Variants in ZRANB3 observed in about 807,000 individuals in gnomAD.
ZRANB3 encodes DNA annealing helicase and endonuclease ZRANB3.
ZRANB3 carries 125 observed loss-of-function variants against 133.8 expected under a neutral mutation model. The observed-to-expected ratio is 0.93, with a 90% CI of 0.81 to 1.08. The LOEUF is 1.08. Ranked by LOEUF, ZRANB3 falls within the 50% of genes least tolerant of loss-of-function variation. The pLI is 0.00. For synonymous variants in ZRANB3, 387 were observed against 432.7 expected (o/e 0.89, Z 1.31); for missense variants, 1,229 against 1,275.5 (o/e 0.96, Z 0.56).
intron 8 of ZRANB3, among the ~76,000 whole-genome samples, chr2:135,303,065 T>C (rs974096127): frequency 1.3e-5 from 2 of 152,164 alleles, no homozygotes; most frequent in African/African-American, 4.8e-5. Context: ...TGAACACTGA[T>C]CTAACAAAAA....
At chr2:135,257,907 G>A (rs1471303670) in intron 12 of ZRANB3, among the ~76,000 whole-genome samples, 1 of 152,204 alleles carries the variant, frequency 6.6e-6, no homozygotes, top group Non-Finnish European at 1.5e-5. Context: ...CTTATTGGCT[G>A]TATGACCTCG....
At chr2:135,414,940 G>A (rs1688487135) in intron 2 of ZRANB3, among the ~76,000 whole-genome samples, 1 of 151,988 alleles carries the variant, frequency 6.6e-6, no homozygotes, top group Non-Finnish European at 1.5e-5. Flanking sequence ...GAATCTCTGG[G>A]ACACATTCAA....
At chr2:135,406,343 CA>C (rs1052581403) in intron 2 of ZRANB3, among the ~76,000 whole-genome samples, 1 of 151,872 alleles carries the variant, frequency 6.6e-6, no homozygotes, top group Non-Finnish European at 1.5e-5. Context: ...GTTTACCAAC[CA>C]AAAAAAGCCC....
intron 12 of ZRANB3, among the ~76,000 whole-genome samples, chr2:135,259,051 T>C (rs1204291880): frequency 6.6e-6 from 1 of 152,236 alleles, no homozygotes; most frequent in Non-Finnish European, 1.5e-5. Flanking sequence ...TTTTTGTTTG[T>C]TTTTGAGACA....
intron 2 of ZRANB3, among the ~76,000 whole-genome samples, chr2:135,398,589 G>A (rs1174359566): frequency 1.4e-5 from 2 of 144,396 alleles, no homozygotes; most frequent in African/African-American, 5.5e-5. Context: ...CGCTATCTCG[G>A]CTCACTGCAA....
At chr2:135,408,132 A>C (rs1037449131) in intron 2 of ZRANB3, among the ~76,000 whole-genome samples, 4 of 151,784 alleles carry the variant, frequency 2.6e-5, no homozygotes, top group Admixed American at 1.3e-4. Context: ...TTACAAGAAA[A>C]AAACAAACAA....
At chr2:135,343,379 T>C (rs1194817929) in intron 6 of ZRANB3, among the ~76,000 whole-genome samples, 1 of 149,958 alleles carries the variant, frequency 6.7e-6, no homozygotes, top group Non-Finnish European at 1.5e-5. Flanking sequence ...TATTAGGTTT[T>C]TAATGAGTTT....
At chr2:135,312,037 A>G (rs1683002260) in intron 8 of ZRANB3, among the ~76,000 whole-genome samples, 1 of 151,898 alleles carries the variant, frequency 6.6e-6, no homozygotes, top group Non-Finnish European at 1.5e-5. Context: ...CATGACAGGA[A>G]TATCTCTATT....
At chr2:135,397,457 A>AAAAAAG (rs1553485106) in intron 2 of ZRANB3, among the ~76,000 whole-genome samples, 3 of 151,682 alleles carry the variant, frequency 2.0e-5, no homozygotes, top group African/African-American at 2.4e-5. Flanking sequence ...CAAAAAAAAA[A>AAAAAAG]AAAAGAAAAG....
At chr2:135,202,775 C>G in intron 20 of ZRANB3, 57 bp downstream of exon 20, 3 of 1,543,794 alleles carry the variant, frequency 1.9e-6, no homozygotes, top group Non-Finnish European at 2.6e-6. Context: ...ACTGTGTGCA[C>G]AATTTTCCAT....
At chr2:135,445,122 G>A (rs1241586303) in intron 2 of ZRANB3, among the ~76,000 whole-genome samples, 1 of 152,136 alleles carries the variant, frequency 6.6e-6, no homozygotes, top group African/African-American at 2.4e-5. Context: ...GCAGTCAAGA[G>A]TAGGCTGGTT....
chr2:135,456,358 T>C (rs542783990), intron 2 of ZRANB3, among the ~76,000 whole-genome samples: 1 of 152,304 alleles, frequency 6.6e-6, no homozygotes, highest in South Asian at 2.1e-4. Flanking sequence ...ATGTGGGAAG[T>C]GTCTTCTGCT....
chr2:135,518,630 T>C (rs1050375781), intron 1 of ZRANB3, among the ~76,000 whole-genome samples: 3 of 152,096 alleles, frequency 2.0e-5, no homozygotes, highest in Admixed American at 6.5e-5. Flanking sequence ...AGTACCTCAA[T>C]TGGAAATGCA....
At position 135,269,114 on chromosome 2, in the gene ZRANB3, CAT is replaced by C. The variant is rs1558875065; in HGVS notation, c.1232_1233del (p.His411ArgfsTer5). The C allele has an allele frequency of 6.2e-7, 1 of 1,603,464 alleles. No homozygotes were observed. The highest frequency in any genetic ancestry group is 1.1e-5 in the South Asian group (1 of 88,276). On this transcript the variant is annotated frameshift_variant, in exon 11 of 21. Transcript: ENST00000264159. LOFTEE classifies it high-confidence loss of function. Reference sequence around the variant, plus strand: ...TCCCAGTACAACTCAGCAAATACAACATGACTTGCTGCAGTAAATGTTAATCC... The same window carrying C: ...TCCCAGTACAACTCAGCAAATACAACGACTTGCTGCAGTAAATGTTAATCC... ...GQGLTFTAAS[H>X]VVFAELYWDP...
rs531648096 is a variant in ZRANB3 at position 135,236,141 on chromosome 2, T to G, written c.1540-5214A>C. Reference sequence around the variant, plus strand: ...AAATCACAAGCATTCTTATACACCATCAACAGACAAACAGAGAGCCAAATC... The same window carrying G: ...AAATCACAAGCATTCTTATACACCAGCAACAGACAAACAGAGAGCCAAATC... On this transcript the variant is annotated intron_variant, in intron 12 of 20. Transcript: ENST00000264159. Among the ~76,000 whole-genome samples, 33 of 151,722 alleles carry G rather than the reference T, an allele frequency of 2.2e-4. No individual in the cohort carries two copies. The South Asian group carries it at 5.9e-3, about 27-fold the overall frequency.
intron 2 of ZRANB3, among the ~76,000 whole-genome samples, chr2:135,395,897 GA>G (rs1346954615): frequency 6.6e-6 from 1 of 152,144 alleles, no homozygotes; most frequent in Non-Finnish European, 1.5e-5. Flanking sequence ...CAGAATGGGA[GA>G]AAATATTTGC....
chr2:135,362,260 T>C (rs1470072842), intron 3 of ZRANB3, among the ~76,000 whole-genome samples: 1 of 151,654 alleles, frequency 6.6e-6, no homozygotes, highest in Non-Finnish European at 1.5e-5. Flanking sequence ...TCTTTTCTCA[T>C]AAGGGACTAG....
At chr2:135,389,919 C>T (rs1432330121) in intron 3 of ZRANB3, among the ~76,000 whole-genome samples, 3 of 113,932 alleles carry the variant, frequency 2.6e-5, no homozygotes, top group Admixed American at 2.6e-4. Flanking sequence ...CTCACTCTGT[C>T]GCCCAAGCTG....
intron 1 of ZRANB3, among the ~76,000 whole-genome samples, chr2:135,509,123 G>A (rs552344675): frequency 8.6e-5 from 13 of 151,586 alleles, no homozygotes; most frequent in Admixed American, 5.9e-4. Context: ...ACCAATGAAA[G>A]AGAATCATAA....
Sources: gnomAD v4.1 joint callset for allele counts (sites outside exome capture counted in the v4.1 genomes callset) on GRCh38, gnomAD v4.1.1 for gene constraint, MANE v1.5 for transcripts, NCBI Gene and HGNC (gene_info 2026-07-23, HGNC 2026-07-21) for gene names.